The following KALRN variants were observed in gnomAD, a reference collection of about 807,000 sequenced individuals.
The protein encoded by KALRN is kalirin.
Under a neutral mutation model 353.7 loss-of-function variants are expected in KALRN, and 70 were observed. The observed-to-expected ratio is 0.20, with a 90% CI of 0.16 to 0.24. KALRN has a LOEUF of 0.24. Ranked by LOEUF, KALRN falls within the 10% of genes least tolerant of loss-of-function variation. The probability of loss-of-function intolerance (pLI) is 1.00; values close to 1 mark genes in which losing one functional copy is unlikely to be tolerated. For synonymous variants in KALRN, 1,391 were observed against 1,434.8 expected (o/e 0.97, Z 0.69); for missense variants, 2,791 against 3,756.7 (o/e 0.74, Z 6.72).
chr3:124,411,782 C>T (rs2092182495), intron 13 of KALRN, among the ~76,000 whole-genome samples: 1 of 152,144 alleles, frequency 6.6e-6, no homozygotes, highest in African/African-American at 2.4e-5. Flanking sequence ...TTAGCCTCAT[C>T]AGTCTAACCC....
At chr3:124,313,602 T>A (rs2149321261) in intron 6 of KALRN, among the ~76,000 whole-genome samples, 1 of 152,326 alleles carries the variant, frequency 6.6e-6, no homozygotes, top group African/African-American at 2.4e-5. Context: ...TGAATTCAAC[T>A]CTGGTGAAGC....
chr3:124,586,031 G>A (rs1364974595), intron 34 of KALRN, among the ~76,000 whole-genome samples: 1 of 152,204 alleles, frequency 6.6e-6, no homozygotes, highest in East Asian at 1.9e-4. Context: ...AAATCTGAAT[G>A]ACTTTTCCTG....
intron 1 of KALRN, among the ~76,000 whole-genome samples, chr3:124,155,368 C>T (rs1202565243): frequency 6.6e-6 from 1 of 152,106 alleles, no homozygotes; most frequent in Non-Finnish European, 1.5e-5. Flanking sequence ...ACAATGTCAC[C>T]TTTGTCTTAA....
At chr3:124,138,431 C>G (rs1487295497) in intron 1 of KALRN, among the ~76,000 whole-genome samples, 3 of 152,184 alleles carry the variant, frequency 2.0e-5, no homozygotes, top group Non-Finnish European at 4.4e-5. Flanking sequence ...AACTTTCTTG[C>G]ATGGGTTCTG....
At chr3:124,184,008 G>A (rs1480073453) in intron 1 of KALRN, among the ~76,000 whole-genome samples, 3 of 152,132 alleles carry the variant, frequency 2.0e-5, no homozygotes, top group Admixed American at 2.0e-4. Flanking sequence ...CAGAAGAAGG[G>A]GCAATTATAT....
At chr3:124,529,442 G>A (rs2067860125) in intron 33 of KALRN, among the ~76,000 whole-genome samples, 1 of 152,118 alleles carries the variant, frequency 6.6e-6, no homozygotes, top group South Asian at 2.1e-4. Context: ...TGGAAGACAG[G>A]TCTGATGCAT....
chr3:124,184,642 TC>T (rs1399756510), intron 1 of KALRN, among the ~76,000 whole-genome samples: 2 of 152,174 alleles, frequency 1.3e-5, no homozygotes, highest in African/African-American at 4.8e-5. Flanking sequence ...TGCCCTCACT[TC>T]TATAATTGTG....
intron 34 of KALRN, among the ~76,000 whole-genome samples, chr3:124,604,220 A>G (rs904544337): frequency 4.6e-5 from 7 of 152,178 alleles, no homozygotes; most frequent in Non-Finnish European, 7.3e-5. Context: ...TTACATATGT[A>G]TACATGTGCC....
At chr3:124,472,858 G>T (rs939472538) in intron 25 of KALRN, among the ~76,000 whole-genome samples, 1 of 152,028 alleles carries the variant, frequency 6.6e-6, no homozygotes, top group Non-Finnish European at 1.5e-5. Context: ...CATTTCTGAA[G>T]CCCAAATATC....
intron 28 of KALRN, among the ~76,000 whole-genome samples, chr3:124,487,865 T>C (rs1236025751): frequency 1.3e-5 from 2 of 152,188 alleles, no homozygotes; most frequent in African/African-American, 4.8e-5. Context: ...TATACAATAC[T>C]GCACCTCTGT....
intron 45 of KALRN, among the ~76,000 whole-genome samples, chr3:124,663,786 C>A (rs1046750474): frequency 6.6e-6 from 1 of 151,896 alleles, no homozygotes; most frequent in Non-Finnish European, 1.5e-5. Flanking sequence ...GAAATAGATA[C>A]AAGACAGAGA....
intron 34 of KALRN, among the ~76,000 whole-genome samples, chr3:124,600,324 T>C (rs1172882693): frequency 2.6e-5 from 4 of 152,268 alleles, no homozygotes; most frequent in African/African-American, 4.8e-5. Flanking sequence ...GGCACTTGTC[T>C]CTTATTCCAA....
chr3:124,190,627 G>C (rs1324080051), intron 1 of KALRN, among the ~76,000 whole-genome samples: 2 of 152,184 alleles, frequency 1.3e-5, no homozygotes, highest in African/African-American at 4.8e-5. Flanking sequence ...AGCTGAGATG[G>C]CTCTAACAGT....
chr3:124,589,478 A>C (rs2075554648), intron 34 of KALRN, among the ~76,000 whole-genome samples: 1 of 152,186 alleles, frequency 6.6e-6, no homozygotes, highest in Non-Finnish European at 1.5e-5. Flanking sequence ...CTGTAGTCCC[A>C]GCTACTCGGG....
intron 6 of KALRN, 152 bp downstream of exon 6, chr3:124,299,065 G>T: frequency 1.0e-6 from 1 of 994,116 alleles, no homozygotes. Flanking sequence ...GATGAGTGCA[G>T]GGCATGTGGC....
At chr3:124,210,584 C>T (rs944233417) in intron 1 of KALRN, among the ~76,000 whole-genome samples, 2 of 151,998 alleles carry the variant, frequency 1.3e-5, no homozygotes, top group African/African-American at 2.4e-5. Flanking sequence ...TTATCTGGCT[C>T]GTTTATTTTA....
chr3:124,461,873 C>G lies in KALRN; in HGVS notation c.3855-17C>G, dbSNP rs1239548864. ...TTATATCTATATCCAAGTAAAAGCCCATTTGTTTCCTTCTAGATTTATTAT... is the reference window on the plus strand; with the variant it reads ...TTATATCTATATCCAAGTAAAAGCCGATTTGTTTCCTTCTAGATTTATTAT... On this transcript the variant is annotated splice_polypyrimidine_tract_variant and intron_variant, in intron 23 of 59. Coordinates refer to ENST00000682506, the MANE Select transcript of KALRN (RefSeq NM_001388419.1). 6.2e-7 allele frequency: 1 copy of G among 1,602,634 alleles called. No homozygotes were observed. Among genetic ancestry groups the G allele is most frequent in the Non-Finnish European group, 8.5e-7 (1 of 1,170,022 alleles).
intron 1 of KALRN, among the ~76,000 whole-genome samples, chr3:124,072,362 G>A (rs998143051): frequency 6.6e-6 from 1 of 152,156 alleles, no homozygotes; most frequent in African/African-American, 2.4e-5. Context: ...ACCTGAAAGT[G>A]GTCTCTTCCT....
rs142299560 is a variant in KALRN, at chr3:124,401,888, G to T, written c.2346+3017G>T. On this transcript the variant is annotated intron_variant, in intron 13 of 59. Transcript: ENST00000682506. ...TCAAATACCAGCTATGTCTCACTGT[G>T]GGGATGAAGAACAAACTTTTAGAGA... 3.3e-5 allele frequency among the ~76,000 whole-genome samples: 5 copies of T among 152,298 alleles called. No individual in the cohort carries two copies. In the East Asian group the frequency reaches 9.6e-4, roughly 29 times the overall value.
Sources: gnomAD v4.1 joint callset for allele counts (sites outside exome capture counted in the v4.1 genomes callset) on GRCh38, gnomAD v4.1.1 for gene constraint, MANE v1.5 for transcripts, NCBI Gene and HGNC (gene_info 2026-07-23, HGNC 2026-07-21) for gene names.